Variants in HSPBP1 observed in about 807,000 individuals in gnomAD.
HSPBP1 encodes the protein HSPA (Hsp70) binding protein 1.
A neutral mutation model predicts 41.7 loss-of-function variants in HSPBP1; 31 were observed. The ratio of observed to expected loss-of-function variants is 0.74; its 90% confidence interval spans 0.56 to 1.00. The LOEUF is 1.00. Ranked by LOEUF, HSPBP1 falls within the 50% of genes least tolerant of loss-of-function variation. HSPBP1 has a pLI of 0.00. For synonymous variants in HSPBP1, 199 were observed against 214.4 expected (o/e 0.93, Z 0.63); for missense variants, 439 against 487.9 (o/e 0.90, Z 0.94).
upstream of HSPBP1, chr19:55,280,112 A>G: frequency 4.7e-6 from 1 of 212,172 alleles, no homozygotes; most frequent in South Asian, 5.5e-5. Flanking sequence ...CCGCCATCTT[A>G]ACCGGAAATA....
intron 2 of HSPBP1, among the ~76,000 whole-genome samples, chr19:55,278,990 C>G (rs2088155045): frequency 6.6e-6 from 1 of 150,568 alleles, no homozygotes; most frequent in African/African-American, 2.4e-5. Context: ...CACACTGCTG[C>G]CTTCAGAAGC....
chr19:55,266,125 C>T lies in HSPBP1; in HGVS notation c.796+6G>A, dbSNP rs757738376. On this transcript the variant is annotated splice_donor_region_variant and intron_variant, in intron 5 of 7. Transcript: ENST00000433386. ...CACTCCTGCCCTCACTCAAGGGCTG[C>T]CACACCTTTGTGTTCAGGGTGGCCC... The T allele has an allele frequency of 5.6e-6, 9 of 1,601,136 alleles. No individual in the cohort carries two copies. The South Asian group carries it at 1.0e-4, about 18-fold the overall frequency.
At chr19:55,264,563 A>C (rs1397541682) in intron 7 of HSPBP1, among the ~76,000 whole-genome samples, 1 of 152,164 alleles carries the variant, frequency 6.6e-6, no homozygotes. Context: ...TTATTTACCC[A>C]AAATAATTGG....
intron 4 of HSPBP1, among the ~76,000 whole-genome samples, chr19:55,271,934 T>A (rs183388620): frequency 2.0e-5 from 3 of 152,110 alleles, no homozygotes; most frequent in Non-Finnish European, 1.5e-5. Flanking sequence ...TGGTGGCATG[T>A]GCCTGTAAAC....
At chr19:55,262,790 C>A in intron 7 of HSPBP1, 108 bp from the exon 8 acceptor site, 2 of 905,506 alleles carry the variant, frequency 2.2e-6, no homozygotes, top group Non-Finnish European at 1.7e-6. Context: ...TGGCCACCAC[C>A]CACTCCCCCC....
chr19:55,262,774 C>T lies in HSPBP1; in HGVS notation c.1006-92G>A, dbSNP rs2087679895. 10 of 1,178,756 alleles carry T rather than the reference C, an allele frequency of 8.5e-6. No homozygotes were observed. In the Admixed American group the frequency reaches 1.9e-4, roughly 22 times the overall value. 73.0% of individuals were successfully genotyped at this position (1,178,756 alleles called of 1,614,324 possible). On this transcript the variant is annotated intron_variant, in intron 7 of 7. Coordinates refer to ENST00000433386, the MANE Select transcript of HSPBP1 (RefSeq NM_012267.5). ...TTGGCACCCAGAGGTGACTCCTCTTCTCTCCTGGCCACCACCCACTCCCCC... is the reference window on the plus strand; with the variant it reads ...TTGGCACCCAGAGGTGACTCCTCTTTTCTCCTGGCCACCACCCACTCCCCC...
rs1170489950 is a variant in HSPBP1, at chr19:55,279,612, C to T, written c.-4G>A. On this transcript the variant is annotated 5_prime_UTR_variant, in exon 2 of 8. Transcript: ENST00000433386. ...CCCTTGAGCCTTCGTCTGACATGGG[C>T]CGTTTGTGAAGAAGGGAAGAATGTG... 3 of 1,580,436 alleles carry T rather than the reference C, an allele frequency of 1.9e-6. No individual in the cohort carries two copies. The highest frequency in any genetic ancestry group is 2.3e-5 in the East Asian group (1 of 43,122).
In HSPBP1 at chr19:55,272,919, G is replaced by A. The variant is rs545242383; in HGVS notation, c.640+1479C>T. Among the ~76,000 whole-genome samples, 9 of 152,244 alleles carry A rather than the reference G, an allele frequency of 5.9e-5. No individual in the cohort carries two copies. In the East Asian group the frequency reaches 1.3e-3, roughly 23 times the overall value. Reference sequence around the variant, plus strand: ...CCGATAGCCATACCACCCCGAACGCGTCTGATCACATCTAAAATTAGAGAG... The same window carrying A: ...CCGATAGCCATACCACCCCGAACGCATCTGATCACATCTAAAATTAGAGAG... On this transcript the variant is annotated intron_variant, in intron 4 of 7. Coordinates refer to ENST00000433386, the MANE Select transcript of HSPBP1 (RefSeq NM_012267.5). The surrounding 1 kb of genome is among the most constrained non-coding windows in gnomAD (Gnocchi z 4.2).
intron 3 of HSPBP1, among the ~76,000 whole-genome samples, chr19:55,275,115 C>T (rs1327577190): frequency 6.6e-6 from 1 of 152,162 alleles, no homozygotes; most frequent in African/African-American, 2.4e-5. Flanking sequence ...ACCAGAGGTC[C>T]CCCCAAGGCT....
In HSPBP1 at chr19:55,274,371, T is replaced by G. The variant is rs938337080; in HGVS notation, c.640+27A>C. 9 of 106,400 alleles carry G rather than the reference T, an allele frequency of 8.5e-5. No individual in the cohort carries two copies. The African/African-American group carries it at 1.1e-3, about 13-fold the overall frequency. The allele number at this position is 106,400 out of a possible 1,614,324, so 6.6% of individuals were successfully genotyped here. A position where few individuals can be genotyped will look rare whatever the true frequency, so the allele number is the denominator to read the frequency against. On this transcript the variant is annotated intron_variant, in intron 4 of 7. Coordinates refer to ENST00000433386, the MANE Select transcript of HSPBP1 (RefSeq NM_012267.5). Reference sequence around the variant, plus strand: ...CACCCCCCCCCACCGCCAGCACCCCTGTCCCCAGCCCCACCCGGACACTCA... The same window carrying G: ...CACCCCCCCCCACCGCCAGCACCCCGGTCCCCAGCCCCACCCGGACACTCA...
chr19:55,264,587 TTTG>T (rs974440617), intron 7 of HSPBP1, among the ~76,000 whole-genome samples: 2 of 152,198 alleles, frequency 1.3e-5, no homozygotes, highest in African/African-American at 4.8e-5. Context: ...TTTTTTGCCA[TTTG>T]TTATTTCTTG....
chr19:55,266,502 CCA>C, intron 4 of HSPBP1, among the ~76,000 whole-genome samples: 1 of 2,668 alleles, frequency 3.7e-4, no homozygotes, highest in South Asian at 0.012. Flanking sequence ...ATCACTATCA[CCA>C]TCACCACCAC....
In HSPBP1 at chr19:55,270,003, C is replaced by T. The variant is rs929058539; in HGVS notation, c.641-3717G>A. On this transcript the variant is annotated intron_variant, in intron 4 of 7. Transcript: ENST00000433386. This position sits in a 1 kb window ranked among gnomAD's most constrained non-coding sequence, Gnocchi z 5.4. The stretch of plus-strand genomic sequence containing the variant: ...GTCCTGGGAAGGGCAGTGGCACCAC[C>T]GCCTCGGGCAGCAGGAGCTGAGGGG... 1.3e-5 allele frequency among the ~76,000 whole-genome samples: 2 copies of T among 152,142 alleles called. No individual in the cohort carries two copies. Among genetic ancestry groups the T allele is most frequent in the Non-Finnish European group, 2.9e-5 (2 of 68,024 alleles).
rs922283571 is a variant in HSPBP1 at position 55,272,701 on chromosome 19, C to T, written c.640+1697G>A. ...ACTAAAAATACAAAAATTAGCCGGG[C>T]GCGGTGGCGGGCGCCTGTAATCCCA... On this transcript the variant is annotated intron_variant, in intron 4 of 7. Coordinates refer to ENST00000433386, the MANE Select transcript of HSPBP1 (RefSeq NM_012267.5). This position sits in a 1 kb window ranked among gnomAD's most constrained non-coding sequence, Gnocchi z 4.2. 7.9e-5 allele frequency among the ~76,000 whole-genome samples: 12 copies of T among 152,092 alleles called. No individual in the cohort carries two copies. Among genetic ancestry groups the T allele is most frequent in the Admixed American group, 5.2e-4 (8 of 15,280 alleles).
intron 6 of HSPBP1, 87 bp downstream of exon 6, chr19:55,265,799 T>A: frequency 2.4e-6 from 2 of 829,254 alleles, no homozygotes; most frequent in South Asian, 3.4e-5. Context: ...AACTCCTGAG[T>A]CCCTACGGGC....
chr19:55,269,636 C>A (rs949351952), intron 4 of HSPBP1, among the ~76,000 whole-genome samples: 1 of 152,174 alleles, frequency 6.6e-6, no homozygotes, highest in Non-Finnish European at 1.5e-5. Context: ...GAAAAGGCTG[C>A]AGATTGCATG....
chr19:55,267,375 T>A (rs190214174), intron 4 of HSPBP1, among the ~76,000 whole-genome samples: 22 of 152,204 alleles, frequency 1.4e-4, no homozygotes, highest in Admixed American at 1.0e-3. Flanking sequence ...GGTCTCAAGC[T>A]CCTGACCTAA....
chr19:55,267,136 T>A (rs1035100759), intron 4 of HSPBP1, among the ~76,000 whole-genome samples: 12 of 152,174 alleles, frequency 7.9e-5, no homozygotes, highest in African/African-American at 2.7e-4. Context: ...TTAATTTTTT[T>A]ATTTTATTTA....
At chr19:55,277,618 G>T (rs376080350) in intron 3 of HSPBP1, 24 bp downstream of exon 3, 3 of 1,593,252 alleles carry the variant, frequency 1.9e-6, no homozygotes, top group African/African-American at 1.3e-5. Context: ...GGGGCAGAAC[G>T]TCCTGGCGGG....
Sources: gnomAD v4.1 joint callset for allele counts (sites outside exome capture counted in the v4.1 genomes callset) on GRCh38, gnomAD v4.1.1 for gene constraint, Gnocchi (gnomAD v3.1) non-coding constraint, MANE v1.5 for transcripts, NCBI Gene and HGNC (gene_info 2026-07-23, HGNC 2026-07-21) for gene names.